Variants in UBAP2 observed in about 807,000 individuals in gnomAD.
UBAP2 encodes ubiquitin associated protein 2.
A neutral mutation model predicts 139.6 loss-of-function variants in UBAP2; 75 were observed. The observed-to-expected ratio is 0.54, with a 90% CI of 0.45 to 0.65. UBAP2 has a LOEUF of 0.65. Among genes scored for constraint, UBAP2 ranks in the 30% least tolerant of loss-of-function variants. The pLI is 0.00. For missense variants in UBAP2, 1,368 were observed against 1,369.6 expected, an observed-to-expected ratio of 1.00 and a Z score of 0.02; for synonymous variants, 526 against 526.2, an observed-to-expected ratio of 1.00 and a Z score of 0.01.
intron 4 of UBAP2, among the ~76,000 whole-genome samples, chr9:33,994,147 GC>G (rs1185803075): frequency 6.6e-6 from 1 of 152,034 alleles, no homozygotes; most frequent in Non-Finnish European, 1.5e-5. Context: ...GCCCACCTAG[GC>G]CTTCCAAAGT....
rs550052746 is a variant in UBAP2, at chr9:33,927,200, T to TGGCCGAATGA, written c.2372-130_2372-121dup. 2.3e-4 allele frequency: 161 copies of TGGCCGAATGA among 702,378 alleles called. No individual in the cohort carries two copies. The African/African-American group carries it at 2.6e-3, about 11-fold the overall frequency. 43.5% of individuals were successfully genotyped at this position (702,378 alleles called of 1,614,324 possible). A position where few individuals can be genotyped will look rare whatever the true frequency, so the allele number is the denominator to read the frequency against. On this transcript the variant is annotated intron_variant, in intron 20 of 28. Transcript: ENST00000379238. Reference sequence around the variant, plus strand: ...CCCAGATGGGTTCAAAGAAGGGCAGTGGCCGAATGAGGCAGAGGGTCATTC... The same window carrying TGGCCGAATGA: ...CCCAGATGGGTTCAAAGAAGGGCAGTGGCCGAATGAGGCCGAATGAGGCAGAGGGTCATTC...
chr9:34,010,694 G>C lies in UBAP2; in HGVS notation c.99+6356C>G, dbSNP rs528553139. Among the ~76,000 whole-genome samples, 3 of 152,254 alleles carry C rather than the reference G, an allele frequency of 2.0e-5. No homozygotes were observed. The South Asian group carries it at 6.2e-4, about 32-fold the overall frequency. ...ATAAAGCATTGTGGGGAGGGATTTT[G>C]GCAGACAGAAAAGGAGTACAGGCGG... On this transcript the variant is annotated intron_variant, in intron 2 of 28. Transcript: ENST00000379238.
intron 8 of UBAP2, among the ~76,000 whole-genome samples, chr9:33,967,116 G>T (rs939256015): frequency 6.6e-6 from 1 of 151,522 alleles, no homozygotes; most frequent in Non-Finnish European, 1.5e-5. Context: ...TTATTCCTAG[G>T]CATCTGGTGT....
intron 19 of UBAP2, among the ~76,000 whole-genome samples, chr9:33,929,045 A>C (rs904845423): frequency 2.0e-5 from 3 of 152,204 alleles, no homozygotes; most frequent in Non-Finnish European, 4.4e-5. Flanking sequence ...TTGTTCCTTC[A>C]GCACAGATGG....
At chr9:34,013,898 A>G (rs529721674) in intron 2 of UBAP2, among the ~76,000 whole-genome samples, 1 of 152,164 alleles carries the variant, frequency 6.6e-6, no homozygotes, top group South Asian at 2.1e-4. Flanking sequence ...GAAAGAAAAA[A>G]ATTGCCAAAT....
chr9:34,030,175 G>A (rs1825767822), intron 1 of UBAP2, among the ~76,000 whole-genome samples: 1 of 152,100 alleles, frequency 6.6e-6, no homozygotes, highest in African/African-American at 2.4e-5. Context: ...GCCGGGCGCG[G>A]TGGCTCACGC....
intron 1 of UBAP2, among the ~76,000 whole-genome samples, chr9:34,029,397 C>T (rs1306447607): frequency 2.6e-5 from 4 of 151,304 alleles, no homozygotes; most frequent in Non-Finnish European, 2.9e-5. Flanking sequence ...GATGTGGTGG[C>T]GGGTACCTAT....
In UBAP2 at chr9:33,933,599, G is replaced by T. The variant is rs77256659; in HGVS notation, c.1999C>A (p.Leu667Ile). 2,924 of 1,613,968 alleles carry T rather than the reference G, an allele frequency of 1.8e-3. 51 individuals carry two copies. In the African/African-American group the frequency reaches 0.035, roughly 19 times the overall value. The change falls in exon 18 of 29, where the codon CTC becomes ATC. Residue 667 changes from leucine to isoleucine, a missense_variant. Coordinates refer to ENST00000379238, the MANE Select transcript of UBAP2 (RefSeq NM_001370062.2). The part of the protein sequence containing the change: ...TPKTTGPPSA[L>I]PSVSSLPSTT... ...CTGGGCAGGGAGCTCACAGACGGGA[G>T]GGCAGAGGGAGGGCCTGTTGTCTTT...
intron 16 of UBAP2, among the ~76,000 whole-genome samples, chr9:33,937,221 T>C (rs1824628969): frequency 6.6e-6 from 1 of 151,374 alleles, no homozygotes; most frequent in Non-Finnish European, 1.5e-5. Flanking sequence ...CAAGTAGCAA[T>C]ATACAGAGGG....
chr9:33,977,764 ATGATTCTTGTGCCTCAGTC>A, intron 6 of UBAP2, among the ~76,000 whole-genome samples: 1 of 151,446 alleles, frequency 6.6e-6, no homozygotes, highest in Non-Finnish European at 1.5e-5. Context: ...CCAGGTTCGA[ATGATTCTTGTGCCTCAGTC>A]TCCCGAGCGG....
At chr9:33,975,109 C>G (rs1387885690) in intron 6 of UBAP2, among the ~76,000 whole-genome samples, 6 of 152,050 alleles carry the variant, frequency 3.9e-5, no homozygotes, top group Non-Finnish European at 8.8e-5. Flanking sequence ...ATGACTACTA[C>G]CAAAATTAAA....
chr9:33,998,817 A>T lies in UBAP2; in HGVS notation c.147T>A (p.Asn49Lys), dbSNP rs1486071111. The T allele has an allele frequency of 1.2e-6, 2 of 1,612,448 alleles. No homozygotes were observed. Among genetic ancestry groups the T allele is most frequent in the African/African-American group, 1.3e-5 (1 of 74,942 alleles). ...MRLAQVIFDK[N>K]DSDFEAKVKQ... ...TAACTTTAGCTTCAAAATCTGAATCATTCTTATCAAAGATCACTTGAGCGA... is the reference window on the plus strand; with the variant it reads ...TAACTTTAGCTTCAAAATCTGAATCTTTCTTATCAAAGATCACTTGAGCGA... Residue 49 changes from asparagine to lysine, a missense_variant, in exon 3 of 29, where the codon AAT (asparagine) becomes AAA (lysine). Physicochemically the swap from Asn to Lys is moderately conservative, Grantham distance 94 (BLOSUM62 0). Transcript: ENST00000379238.
chr9:33,946,513 A>G (rs963475803), intron 13 of UBAP2, among the ~76,000 whole-genome samples: 7 of 152,310 alleles, frequency 4.6e-5, no homozygotes, highest in African/African-American at 1.7e-4. Context: ...CAGTTCTACC[A>G]TATGGGACAG....
chr9:33,933,608 G>A lies in UBAP2; in HGVS notation c.1990C>T (p.Pro664Ser). The change falls in exon 18 of 29, where the codon CCC becomes TCC. Residue 664 changes from proline to serine, a missense_variant. Coordinates refer to ENST00000379238, the MANE Select transcript of UBAP2 (RefSeq NM_001370062.2). The stretch of plus-strand genomic sequence containing the variant: ...GAGCTCACAGACGGGAGGGCAGAGG[G>A]AGGGCCTGTTGTCTTTGGAGCTGGA... ...TLDTPKTTGP[P>S]SALPSVSSLP... The A allele has an allele frequency of 6.2e-7, 1 of 1,613,920 alleles. No individual in the cohort carries two copies. The highest frequency in any genetic ancestry group is 8.5e-7 in the Non-Finnish European group (1 of 1,180,016).
chr9:34,037,696 TGATA>T (rs1194300907), intron 1 of UBAP2, among the ~76,000 whole-genome samples: 1 of 152,172 alleles, frequency 6.6e-6, no homozygotes, highest in East Asian at 1.9e-4. Flanking sequence ...CAATTATATC[TGATA>T]AATAATTGAG....
intron 1 of UBAP2, among the ~76,000 whole-genome samples, chr9:34,034,066 C>T (rs1264665183): frequency 6.6e-6 from 1 of 151,994 alleles, no homozygotes; most frequent in African/African-American, 2.4e-5. Context: ...GACCAGATGA[C>T]CTAAAATAAT....
intron 8 of UBAP2, among the ~76,000 whole-genome samples, chr9:33,966,793 G>T (rs974032197): frequency 1.3e-5 from 2 of 151,836 alleles, no homozygotes; most frequent in Non-Finnish European, 2.9e-5. Flanking sequence ...ATATTTTAAT[G>T]ATGGTTATAA....
rs1241068687 is a variant in UBAP2 at position 33,941,766 on chromosome 9, T to C, written c.1812A>G (p.Ser604=). The change falls in exon 16 of 29, where the codon TCA becomes TCG. Residue 604 remains serine, a synonymous_variant. Coordinates refer to ENST00000379238, the MANE Select transcript of UBAP2 (RefSeq NM_001370062.2). ...VITSCSLTSS[S]LNSASPVAMS... ...TTGCTACTGGACTAGCAGAATTCAG[T>C]GATGAGCTTGTCAGACTGCAGGAGG... The C allele has an allele frequency of 1.9e-6, 3 of 1,614,040 alleles. No individual in the cohort carries two copies. The highest frequency in any genetic ancestry group is 1.3e-5 in the African/African-American group (1 of 75,024).
intron 8 of UBAP2, among the ~76,000 whole-genome samples, chr9:33,965,219 T>C (rs1827355670): frequency 6.6e-6 from 1 of 152,224 alleles, no homozygotes; most frequent in South Asian, 2.1e-4. Context: ...TTCACAATGT[T>C]GTACAATCAT....
Sources: gnomAD v4.1 joint callset for allele counts (sites outside exome capture counted in the v4.1 genomes callset) on GRCh38, gnomAD v4.1.1 for gene constraint, MANE v1.5 for transcripts, NCBI Gene and HGNC (gene_info 2026-07-23, HGNC 2026-07-21) for gene names.